Variants in LRRIQ1 observed in about 807,000 individuals in gnomAD.
The protein encoded by LRRIQ1 is leucine-rich repeat- and IQ domain-containing protein 1.
LRRIQ1 carries 210 observed loss-of-function variants against 211.9 expected under a neutral mutation model. The observed-to-expected ratio is 0.99, with a 90% CI of 0.89 to 1.11. LRRIQ1 has a LOEUF of 1.11. Ranked by LOEUF, LRRIQ1 falls within the 50% of genes most tolerant of loss-of-function variation. LRRIQ1 has a pLI of 0.00. For missense variants in LRRIQ1, 2,136 were observed against 1,939.5 expected, an observed-to-expected ratio of 1.10 and a Z score of -1.90; for synonymous variants, 699 against 650.1, an observed-to-expected ratio of 1.08 and a Z score of -1.14.
At chr12:85,038,934 A>C (rs1878520498) in intron 2 of LRRIQ1, among the ~76,000 whole-genome samples, 1 of 151,226 alleles carries the variant, frequency 6.6e-6, no homozygotes, top group African/African-American at 2.4e-5. Flanking sequence ...ATATTTGTAA[A>C]TATTGAGTGG....
At chr12:85,245,796 C>T (rs1895689723), downstream of LRRIQ1, among the ~76,000 whole-genome samples, 3 of 150,318 alleles carry the variant, frequency 2.0e-5, no homozygotes, top group South Asian at 4.2e-4. Context: ...AAGATTTAAT[C>T]GTAATTAAGT....
chr12:85,238,899 A>G (rs775752315), intron 26 of LRRIQ1, among the ~76,000 whole-genome samples: 11 of 152,196 alleles, frequency 7.2e-5, no homozygotes, highest in Admixed American at 6.5e-5. Context: ...CAGTTTAGAC[A>G]TAAGTGAATT....
intron 7 of LRRIQ1, among the ~76,000 whole-genome samples, chr12:85,053,026 TA>T (rs1379892732): frequency 2.6e-5 from 4 of 152,084 alleles, no homozygotes; most frequent in East Asian, 1.9e-4. Context: ...TTCTAGAGTT[TA>T]AAAAATTCAG....
chr12:85,186,914 G>GA (rs1045419167), intron 24 of LRRIQ1, among the ~76,000 whole-genome samples: 12 of 151,828 alleles, frequency 7.9e-5, no homozygotes, highest in African/African-American at 2.4e-4. Context: ...ATGATTATAA[G>GA]AAAAAATATA....
intron 24 of LRRIQ1, among the ~76,000 whole-genome samples, chr12:85,198,727 T>C (rs888067006): frequency 6.6e-6 from 1 of 151,928 alleles, no homozygotes; most frequent in African/African-American, 2.4e-5. Flanking sequence ...GCCTCCATGC[T>C]CGGCTAATTT....
chr12:85,061,566 T>C (rs979060983), intron 8 of LRRIQ1, among the ~76,000 whole-genome samples: 3 of 151,782 alleles, frequency 2.0e-5, no homozygotes, highest in Admixed American at 2.0e-4. Flanking sequence ...TGTGCTTGTA[T>C]AGTTGATTGA....
chr12:85,157,803 T>C (rs1386985033), intron 23 of LRRIQ1, among the ~76,000 whole-genome samples: 3 of 151,674 alleles, frequency 2.0e-5, no homozygotes, highest in Non-Finnish European at 4.4e-5. Flanking sequence ...GGAGATTAGC[T>C]GGTAAGAGGT....
At chr12:85,132,905 GC>G (rs1888871654) in intron 18 of LRRIQ1, among the ~76,000 whole-genome samples, 2 of 152,126 alleles carry the variant, frequency 1.3e-5, no homozygotes, top group Admixed American at 1.3e-4. Flanking sequence ...CATGTGACAT[GC>G]CAATCATAAA....
intron 24 of LRRIQ1, among the ~76,000 whole-genome samples, chr12:85,170,264 GTA>G (rs35828890): frequency 2.2e-3 from 319 of 147,696 alleles, no homozygotes; most frequent in African/African-American, 5.1e-3. Context: ...TGTGCATATT[GTA>G]TATATATATA....
intron 15 of LRRIQ1, among the ~76,000 whole-genome samples, chr12:85,117,364 G>A (rs911147501): frequency 2.1e-4 from 32 of 152,244 alleles, no homozygotes; most frequent in African/African-American, 7.7e-4. Flanking sequence ...AAGTATGGAA[G>A]TTTCAACAGC....
chr12:85,138,049 G>T, intron 19 of LRRIQ1, 80 bp downstream of exon 19: 4 of 868,290 alleles, frequency 4.6e-6, no homozygotes, highest in Non-Finnish European at 6.9e-6. Flanking sequence ...CAGTTTCTAA[G>T]GTGTTTATCC....
chr12:85,139,383 G>T (rs561642525), intron 19 of LRRIQ1, among the ~76,000 whole-genome samples: 3 of 151,420 alleles, frequency 2.0e-5, no homozygotes, highest in African/African-American at 7.3e-5. Context: ...ACAATAACTG[G>T]TCTAATTTAT....
At chr12:85,264,015 C>G (rs1896370411) in exon 2 of LRRIQ1, 1 of 152,002 alleles carries the variant, frequency 6.6e-6, no homozygotes, top group African/African-American at 2.4e-5. Flanking sequence ...ATTTCAGTTA[C>G]TTTCCACAGC....
chr12:85,041,409 G>GA (rs1878869854), intron 3 of LRRIQ1, among the ~76,000 whole-genome samples: 1 of 151,454 alleles, frequency 6.6e-6, no homozygotes, highest in African/African-American at 2.4e-5. Flanking sequence ...TGCTATGAAG[G>GA]AAAAAAATGT....
Position 85,098,355 on chromosome 12 carries a change from G to A in LRRIQ1, c.2888G>A (p.Cys963Tyr). 1 of 1,591,362 alleles carries A rather than the reference G, an allele frequency of 6.3e-7. No individual in the cohort carries two copies. The highest frequency in any genetic ancestry group is 8.6e-7 in the Non-Finnish European group (1 of 1,165,388). ...TGATCTTATAACTTTTTTCTTCTAG[G>A]TGGTTTAGAATCTTTGAAAAATCTT... ...NFLISHLYWN[C>Y]GLESLKNLQQ... Residue 963 changes from cysteine to tyrosine, a missense_variant and splice_region_variant, in exon 12 of 27, where the codon TGT becomes TAT. Cys to Tyr is a radical substitution (Grantham distance 194). Transcript: ENST00000393217.
intron 24 of LRRIQ1, among the ~76,000 whole-genome samples, chr12:85,222,297 A>C (rs1227279567): frequency 6.6e-6 from 1 of 152,128 alleles, no homozygotes; most frequent in Non-Finnish European, 1.5e-5. Context: ...CCTAAAAATA[A>C]AATGGGGCCA....
At chr12:85,053,497 A>G (rs1400537403) in intron 7 of LRRIQ1, among the ~76,000 whole-genome samples, 1 of 152,190 alleles carries the variant, frequency 6.6e-6, no homozygotes, top group Non-Finnish European at 1.5e-5. Context: ...ATCTTTAAGT[A>G]AAATGATGGA....
intron 11 of LRRIQ1, among the ~76,000 whole-genome samples, chr12:85,079,286 G>A (rs1390614291): frequency 9.0e-6 from 1 of 111,350 alleles, no homozygotes; most frequent in African/African-American, 3.6e-5. Context: ...GTCTCACTCT[G>A]TCTCGGCTTA....
At chr12:85,040,829 TC>T (rs1305267278) in intron 3 of LRRIQ1, among the ~76,000 whole-genome samples, 1 of 151,550 alleles carries the variant, frequency 6.6e-6, no homozygotes, top group African/African-American at 2.4e-5. Context: ...GCATTTTGTT[TC>T]CGCAGTCCTA....
Sources: gnomAD v4.1 joint callset for allele counts (sites outside exome capture counted in the v4.1 genomes callset) on GRCh38, gnomAD v4.1.1 for gene constraint, MANE v1.5 for transcripts, NCBI Gene and HGNC (gene_info 2026-07-23, HGNC 2026-07-21) for gene names.